The following FLRT1 variants were observed in gnomAD, a reference collection of about 807,000 sequenced individuals.
FLRT1 encodes the protein leucine-rich repeat transmembrane protein FLRT1.
FLRT1 carries 14 observed loss-of-function variants against 30.9 expected under a neutral mutation model. That is an observed-to-expected ratio of 0.45 (90% CI 0.30 to 0.71). The LOEUF is 0.71. Among genes scored for constraint, FLRT1 ranks in the 30% least tolerant of loss-of-function variants. FLRT1 has a pLI of 0.08. For missense variants in FLRT1, 737 were observed against 949.2 expected (o/e 0.78, Z 2.94); for synonymous variants, 368 against 430.4 (o/e 0.85, Z 1.80).
Position 64,118,283 on chromosome 11 carries a change from C to T in FLRT1, c.2016C>T (p.Ser672=), listed in dbSNP as rs1422770947. 2 of 1,568,092 alleles carry T rather than the reference C, an allele frequency of 1.3e-6. No individual in the cohort carries two copies. The highest frequency in any genetic ancestry group is 2.7e-5 in the African/African-American group (2 of 74,240). ...RDGGIPDIDY[S]YT Reference sequence around the variant, plus strand: ...GCGGCATCCCCGACATAGACTACTCCTACACATGATGCCCGCCCACCCGGG... The same window carrying T: ...GCGGCATCCCCGACATAGACTACTCTTACACATGATGCCCGCCCACCCGGG... The change falls in exon 3 of 3, where the codon TCC becomes TCT. Residue 672 remains serine (S), a synonymous_variant. Coordinates refer to ENST00000682287, the MANE Select transcript of FLRT1 (RefSeq NM_013280.5).
chr11:64,051,479 G>T (rs1034521960), intron 1 of FLRT1, among the ~76,000 whole-genome samples: 4 of 152,192 alleles, frequency 2.6e-5, no homozygotes, highest in African/African-American at 9.7e-5. Flanking sequence ...GTTGTGGGGC[G>T]GGGGCACCCT....
At chr11:64,059,586 G>GGT (rs928768195) in intron 1 of FLRT1, among the ~76,000 whole-genome samples, 8 of 152,208 alleles carry the variant, frequency 5.3e-5, no homozygotes, top group Admixed American at 1.3e-4. Flanking sequence ...GAGGCTGGAA[G>GGT]GTGTGTGTGC....
chr11:64,114,466 T>C (rs1210842209), intron 2 of FLRT1, among the ~76,000 whole-genome samples: 1 of 149,694 alleles, frequency 6.7e-6, no homozygotes, highest in Non-Finnish European at 1.5e-5. Flanking sequence ...GATGGATAGA[T>C]GGATGGATGG....
Position 64,036,830 on chromosome 11 carries a change from TCAAGA to T in FLRT1, c.-1038+676_-1038+680del, listed in dbSNP as rs1462371935. ...GCGGGCACCCCCCATCCCCCAGCTC[TCAAGA>T]CAAGGAGGCGGCCCGACCCGGCGGC... On this transcript the variant is annotated intron_variant, in intron 1 of 2. Transcript: ENST00000682287. The surrounding 1 kb of genome is among the most constrained non-coding windows in gnomAD (Gnocchi z 5.6). Among the ~76,000 whole-genome samples the T allele has an allele frequency of 6.6e-6, 1 of 152,028 alleles. No homozygotes were observed. The highest frequency in any genetic ancestry group is 2.4e-5 in the African/African-American group (1 of 41,390).
chr11:64,070,596 G>T (rs1944090002), intron 1 of FLRT1, among the ~76,000 whole-genome samples: 1 of 152,184 alleles, frequency 6.6e-6, no homozygotes, highest in African/African-American at 2.4e-5. Flanking sequence ...CTCCCCCGGA[G>T]GGGCCCCCTT....
chr11:64,116,623 A>G lies in FLRT1; in HGVS notation c.356A>G (p.Asp119Gly), dbSNP rs1944986858. 7 of 1,614,162 alleles carry G rather than the reference A, an allele frequency of 4.3e-6. No homozygotes were observed. Among genetic ancestry groups the G allele is most frequent in the Non-Finnish European group, 5.9e-6 (7 of 1,180,028 alleles). ...ATCTACCTATACGAGAATGACCTGGATGAGTTCCCCATCAACCTGCCCCGC... is the reference window on the plus strand; with the variant it reads ...ATCTACCTATACGAGAATGACCTGGGTGAGTTCCCCATCAACCTGCCCCGC... Reference protein sequence around the residue: ...QVIYLYENDLDEFPINLPRSL... With the variant: ...QVIYLYENDLGEFPINLPRSL... The change falls in exon 3 of 3, where the codon GAT (aspartate) becomes GGT (glycine). Residue 119 changes from aspartate (D) to glycine (G), a missense_variant. By Grantham distance (94) the Asp-to-Gly change is moderately conservative. Transcript: ENST00000682287.
chr11:64,074,376 A>G (rs1246093255), intron 1 of FLRT1, among the ~76,000 whole-genome samples: 1 of 152,122 alleles, frequency 6.6e-6, no homozygotes, highest in Non-Finnish European at 1.5e-5. Context: ...TCACCTCTGC[A>G]GTTTCTAATA....
In FLRT1 at chr11:64,067,262, G is replaced by A. The variant is rs975566976; in HGVS notation, c.-1038+31103G>A. On this transcript the variant is annotated intron_variant, in intron 1 of 2. Coordinates refer to ENST00000682287, the MANE Select transcript of FLRT1 (RefSeq NM_013280.5). The surrounding 1 kb of genome is among the most constrained non-coding windows in gnomAD (Gnocchi z 4.6). Reference sequence around the variant, plus strand: ...GCACCCACTCCCACCTGTGCGGCACGAGAGGGAGGGAAGGAGCATCATTAA... The same window carrying A: ...GCACCCACTCCCACCTGTGCGGCACAAGAGGGAGGGAAGGAGCATCATTAA... 1.3e-5 allele frequency among the ~76,000 whole-genome samples: 2 copies of A among 152,120 alleles called. No individual in the cohort carries two copies. Among genetic ancestry groups the A allele is most frequent in the Non-Finnish European group, 2.9e-5 (2 of 68,012 alleles).
At chr11:64,079,880 C>T (rs995088006) in intron 1 of FLRT1, among the ~76,000 whole-genome samples, 2 of 152,254 alleles carry the variant, frequency 1.3e-5, no homozygotes, top group African/African-American at 2.4e-5. Flanking sequence ...AGTACCAAGA[C>T]AGAAGCTTGT....
rs1050060157 is a variant in FLRT1 at position 64,103,343 on chromosome 11, C to G, written c.-888C>G. On this transcript the variant is annotated 5_prime_UTR_variant, in exon 2 of 3. Transcript: ENST00000682287. ...CCAAGCAGGACTGAGGCCCTTGCCC[C>G]CCAAGCATCTTCTCAAAGAAGGGCA... The G allele has an allele frequency of 2.0e-5, 3 of 152,240 alleles. No individual in the cohort carries two copies. The highest frequency in any genetic ancestry group is 7.2e-5 in the African/African-American group (3 of 41,446). 9.4% of individuals were successfully genotyped at this position (152,240 alleles called of 1,614,324 possible). A position where few individuals can be genotyped will look rare whatever the true frequency, so the allele number is the denominator to read the frequency against.
intron 1 of FLRT1, among the ~76,000 whole-genome samples, chr11:64,071,885 G>A (rs1376925946): frequency 6.6e-6 from 1 of 152,188 alleles, no homozygotes; most frequent in East Asian, 1.9e-4. Context: ...AGAGCCCTGG[G>A]AGGGCGCCTC....
rs1193418294 is a variant in FLRT1 at position 64,096,605 on chromosome 11, G to A, written c.-1037-6589G>A. Among the ~76,000 whole-genome samples, 1 of 151,886 alleles carries A rather than the reference G, an allele frequency of 6.6e-6. No individual in the cohort carries two copies. The highest frequency in any genetic ancestry group is 1.5e-5 in the Non-Finnish European group (1 of 67,956). On this transcript the variant is annotated intron_variant, in intron 1 of 2. Coordinates refer to ENST00000682287, the MANE Select transcript of FLRT1 (RefSeq NM_013280.5). This position sits in a 1 kb window ranked among gnomAD's most constrained non-coding sequence, Gnocchi z 4.6. ...TAATTTTTTTATTTTTAGTAGACAC[G>A]GGGGTATCAACATGTTGGCCAGGCT...
chr11:64,040,204 G>A (rs1943458875), intron 1 of FLRT1, among the ~76,000 whole-genome samples: 1 of 152,156 alleles, frequency 6.6e-6, no homozygotes, highest in Admixed American at 6.5e-5. Flanking sequence ...TCCCCGTGAA[G>A]CCTTGGCTCT....
At chr11:64,054,434 CA>C (rs1943747417) in intron 1 of FLRT1, among the ~76,000 whole-genome samples, 1 of 152,136 alleles carries the variant, frequency 6.6e-6, no homozygotes, top group Admixed American at 6.5e-5. Context: ...ACTATAAATC[CA>C]GGGTGTTTCC....
At chr11:64,092,934 A>G (rs1367039266) in intron 1 of FLRT1, among the ~76,000 whole-genome samples, 6 of 152,188 alleles carry the variant, frequency 3.9e-5, no homozygotes, top group Non-Finnish European at 8.8e-5. Context: ...ATCCTTTAAT[A>G]TGCTAATGTG....
In FLRT1 at chr11:64,036,660, T is replaced by C. The variant is rs1476193575; in HGVS notation, c.-1038+501T>C. On this transcript the variant is annotated intron_variant, in intron 1 of 2. Transcript: ENST00000682287. The surrounding 1 kb of genome is among the most constrained non-coding windows in gnomAD (Gnocchi z 5.6). Reference sequence around the variant, plus strand: ...TCACGGTTGGAGCGAGGTTTTATTTTTAAAACGACTTCAAGGGGGGCATGA... The same window carrying C: ...TCACGGTTGGAGCGAGGTTTTATTTCTAAAACGACTTCAAGGGGGGCATGA... Among the ~76,000 whole-genome samples, 3 of 152,046 alleles carry C rather than the reference T, an allele frequency of 2.0e-5. No individual in the cohort carries two copies.
chr11:64,116,347 C>T lies in FLRT1; in HGVS notation c.80C>T (p.Ala27Val). ...TVTATVVMTT[A>V]TMDLRDWLFL... ...ACGGCCACCGTTGTGATGACCACGG[C>T]CACCATGGACCTGCGGGACTGGCTG... The change falls in exon 3 of 3, where the codon GCC becomes GTC. Residue 27 changes from alanine to valine, a missense_variant. Coordinates refer to ENST00000682287, the MANE Select transcript of FLRT1 (RefSeq NM_013280.5). 8.1e-6 allele frequency: 13 copies of T among 1,612,536 alleles called. No homozygotes were observed. Among genetic ancestry groups the T allele is most frequent in the Non-Finnish European group, 1.1e-5 (13 of 1,179,616 alleles).
At chr11:64,104,539 C>G (rs973488109) in intron 2 of FLRT1, among the ~76,000 whole-genome samples, 1 of 152,130 alleles carries the variant, frequency 6.6e-6, no homozygotes, top group Non-Finnish European at 1.5e-5. Flanking sequence ...AAGGTGGTAG[C>G]AGTGAGGCCT....
intron 1 of FLRT1, among the ~76,000 whole-genome samples, chr11:64,046,634 G>A (rs1431615850): frequency 6.6e-6 from 1 of 152,132 alleles, no homozygotes; most frequent in South Asian, 2.1e-4. Context: ...CAAGTAGCTG[G>A]GGCTACAGGC....
Sources: allele counts gnomAD v4.1 joint callset (sites outside exome capture counted in the v4.1 genomes callset), GRCh38; gene constraint gnomAD v4.1.1; non-coding constraint Gnocchi (gnomAD v3.1); transcripts MANE v1.5; gene names NCBI Gene and HGNC (gene_info 2026-07-23, HGNC 2026-07-21).